PSG9: variants seen among roughly 807,000 people sequenced by gnomAD.
The protein encoded by PSG9 is pregnancy specific beta-1-glycoprotein 9, also known as pregnancy-specific beta-1-glycoprotein 9.
In PSG9, 49 loss-of-function variants were observed where a neutral mutation model predicts 41.9. The observed-to-expected ratio is 1.17, with a 90% CI of 0.93 to 1.48. The LOEUF is 1.48. PSG9 is among the 40% of genes most tolerant of loss of function. The probability of loss-of-function intolerance (pLI) is 0.00; values close to 1 mark genes in which losing one functional copy is unlikely to be tolerated. For missense variants in PSG9, 641 were observed against 520.3 expected (o/e 1.23, Z -2.26); for synonymous variants, 263 against 196.8 (o/e 1.34, Z -2.82).
intron 5 of PSG9, chr19:43,257,462 T>C: frequency 1.0e-6 from 1 of 977,204 alleles, no homozygotes; most frequent in Non-Finnish European, 1.2e-6. Flanking sequence ...CATCAGTCAC[T>C]GTCCTCCGTG....
intron 3 of PSG9, chr19:43,260,403 T>C (rs1032727337): frequency 9.5e-5 from 14 of 147,416 alleles, no homozygotes; most frequent in African/African-American, 1.5e-4. Context: ...ATCTGAAAGA[T>C]TCAAAATCTA....
Position 43,259,029 on chromosome 19 carries a change from AAT to A in PSG9, c.814_815del (p.Ile272LeufsTer19). ...CEPKSENYTY[I>X]WWLNGQSLPV... ...GGAGGCTCTGACCGTTTAGCCACCA[AAT>A]GTAGGTGTAGTTCTCACTCTTAGGT... On this transcript the variant is annotated frameshift_variant, in exon 4 of 6. Coordinates refer to ENST00000270077, the MANE Select transcript of PSG9 (RefSeq NM_002784.5). LOFTEE classifies it high-confidence loss of function. 6.3e-7 allele frequency: 1 copy of A among 1,590,642 alleles called. No individual in the cohort carries two copies. Among genetic ancestry groups the A allele is most frequent in the Non-Finnish European group, 8.5e-7 (1 of 1,174,448 alleles).
At position 43,269,336 on chromosome 19, in the gene PSG9, C is replaced by T. The variant is rs755924444; in HGVS notation, c.64+32G>A. The T allele has an allele frequency of 1.4e-4, 225 of 1,613,096 alleles. 1 individual carries two copies. The Middle Eastern group carries it at 1.8e-3, about 13-fold the overall frequency. On this transcript the variant is annotated intron_variant, in intron 1 of 5. Coordinates refer to ENST00000270077, the MANE Select transcript of PSG9 (RefSeq NM_002784.5). ...CCCATCCAGTCACTCCGCTTCCTCC[C>T]CCTGTCCTCTCCCAGGAAGTTCTCT...
chr19:43,257,777 T>A, intron 5 of PSG9: 1 of 1,273,060 alleles, frequency 7.9e-7, no homozygotes, highest in Non-Finnish European at 9.8e-7. Context: ...CTTCCTCCTC[T>A]CATCTGGGGG....
intron 2 of PSG9, among the ~76,000 whole-genome samples, chr19:43,266,707 G>A (rs925953001): frequency 6.6e-6 from 1 of 152,116 alleles, no homozygotes; most frequent in Non-Finnish European, 1.5e-5. Context: ...TAAGAAGAGA[G>A]GATTTGAGCC....
intron 2 of PSG9, among the ~76,000 whole-genome samples, chr19:43,266,099 AGCAGAGAGAG>A (rs1256248495): frequency 5.9e-5 from 9 of 151,746 alleles, no homozygotes; most frequent in East Asian, 5.9e-4. Context: ...GACACAGAGA[AGCAGAGAGAG>A]GCAGAGACAC....
At position 43,254,303 on chromosome 19, in the gene PSG9, T is replaced by G. The variant is rs994596519; in HGVS notation, c.1244-657A>C. 1.2e-4 allele frequency among the ~76,000 whole-genome samples: 18 copies of G among 146,308 alleles called. 1 individual carries two copies. The highest frequency in any genetic ancestry group is 4.2e-4 in the African/African-American group (16 of 38,500). On this transcript the variant is annotated intron_variant, in intron 5 of 5. Transcript: ENST00000270077. ...CTGGTGTCATATGGCTAGTGACAGG[T>G]GGATCTGAGATTTGATTCTAGGACT...
chr19:43,268,865 G>A (rs13343399), intron 1 of PSG9, among the ~76,000 whole-genome samples: 5 of 147,592 alleles, frequency 3.4e-5, no homozygotes, highest in Non-Finnish European at 6.0e-5. Flanking sequence ...TGGTGGCCCC[G>A]GATGATTAAT....
chr19:43,261,277 G>GA lies in PSG9; in HGVS notation c.709+582dup, dbSNP rs572765894. Among the ~76,000 whole-genome samples the GA allele has an allele frequency of 7.4e-4, 52 of 70,662 alleles. No individual in the cohort carries two copies. The East Asian group carries it at 0.095, about 129-fold the overall frequency. The allele number at this position is 70,662 out of a possible 152,430, so 46.4% of individuals were successfully genotyped here. On this transcript the variant is annotated intron_variant, in intron 3 of 5. Coordinates refer to ENST00000270077, the MANE Select transcript of PSG9 (RefSeq NM_002784.5). ...CTGAGTTATGGATGAAACAGACATA[G>GA]ACCCTCTATATGTTTTAGTGATTTG...
intron 2 of PSG9, among the ~76,000 whole-genome samples, chr19:43,267,192 A>T (rs1000332382): frequency 1.3e-5 from 2 of 152,046 alleles, no homozygotes; most frequent in African/African-American, 2.4e-5. Context: ...CTCCACTCTG[A>T]GTGTCAGCTG....
At chr19:43,257,189 G>A (rs1968472019) in intron 5 of PSG9, 1 of 197,590 alleles carries the variant, frequency 5.1e-6, no homozygotes, top group African/African-American at 2.5e-5. Context: ...GGTGCTAAGG[G>A]TTAGGGGAAG....
intron 3 of PSG9, 131 bp from the exon 4 acceptor site, chr19:43,259,266 G>A: frequency 1.4e-6 from 2 of 1,395,872 alleles, no homozygotes; most frequent in East Asian, 2.8e-5. Flanking sequence ...GCTGGTGCGT[G>A]TGTCACAAGA....
chr19:43,264,925 A>G (rs1239455471), intron 2 of PSG9, among the ~76,000 whole-genome samples: 1 of 152,104 alleles, frequency 6.6e-6, no homozygotes, highest in African/African-American at 2.4e-5. Flanking sequence ...GGAGTCACAA[A>G]TGAAATGGGT....
In PSG9 at chr19:43,258,901, C is replaced by T. The variant is rs147249563; in HGVS notation, c.944G>A (p.Arg315Gln). Residue 315 changes from arginine to glutamine, a missense_variant, in exon 4 of 6, where the codon CGA (arginine) becomes CAA (glutamine). Arg to Gln is a conservative substitution (Grantham distance 43). Transcript: ENST00000270077. ...TGGGTTACTGCGGAGGCCACCATAT[C>T]GGTCCCGTATTTCACATTGATAGGG... Reference protein sequence around the residue: ...TGPYQCEIRDRYGGLRSNPVI... With the variant: ...TGPYQCEIRDQYGGLRSNPVI... 1,048 of 1,587,404 alleles carry T rather than the reference C, an allele frequency of 6.6e-4. 111 individuals carry two copies. Among genetic ancestry groups the T allele is most frequent in the East Asian group, 5.1e-3 (192 of 37,308 alleles).
At chr19:43,262,396 G>A (rs1313393920) in intron 2 of PSG9, among the ~76,000 whole-genome samples, 8 of 152,140 alleles carry the variant, frequency 5.3e-5, no homozygotes, top group Admixed American at 2.6e-4. Flanking sequence ...GAAAGACACA[G>A]GACCAGCAGT....
chr19:43,262,042 G>C lies in PSG9; in HGVS notation c.527C>G (p.Ala176Gly). ...RLICDPETLD[A>G]SYLWWMNGQS... is the part of the protein sequence containing the mutation. The stretch of plus-strand genomic sequence containing the variant: ...ACCATTCATCCACCATAGGTAGCTT[G>C]CGTCCAGAGTCTCAGGATCACAGAT... Residue 176 changes from alanine (A) to glycine (G), a missense_variant, in exon 3 of 6, where the codon GCA becomes GGA. Physicochemically the swap from Ala to Gly is moderately conservative, Grantham distance 60 (BLOSUM62 0). Transcript: ENST00000270077. 1 of 1,614,002 alleles carries C rather than the reference G, an allele frequency of 6.2e-7. No individual in the cohort carries two copies. Among genetic ancestry groups the C allele is most frequent in the Non-Finnish European group, 8.5e-7 (1 of 1,179,894 alleles).
chr19:43,265,812 G>C (rs1162307729), intron 2 of PSG9, among the ~76,000 whole-genome samples: 6 of 152,248 alleles, frequency 3.9e-5, no homozygotes, highest in Non-Finnish European at 7.4e-5. Context: ...AGGTCAGACT[G>C]ACAAAGGGAA....
chr19:43,266,766 T>A (rs1157317601), intron 2 of PSG9, among the ~76,000 whole-genome samples: 1 of 152,098 alleles, frequency 6.6e-6, no homozygotes, highest in Non-Finnish European at 1.5e-5. Context: ...TCACTTCTGG[T>A]GGAGGAGAGG....
At chr19:43,262,697 G>T (rs1968783411) in intron 2 of PSG9, among the ~76,000 whole-genome samples, 1 of 152,172 alleles carries the variant, frequency 6.6e-6, no homozygotes, top group Non-Finnish European at 1.5e-5. Context: ...GGTCAGTTAA[G>T]ACATCAGGCA....
Sources: allele counts gnomAD v4.1 joint callset (sites outside exome capture counted in the v4.1 genomes callset), GRCh38; gene constraint gnomAD v4.1.1; transcripts MANE v1.5; gene names NCBI Gene and HGNC (gene_info 2026-07-23, HGNC 2026-07-21).